Variants in DNAH9 observed in about 807,000 individuals in gnomAD.
DNAH9 encodes DNAH9 variant protein.
Under a neutral mutation model 471.6 loss-of-function variants are expected in DNAH9, and 345 were observed. The ratio of observed to expected loss-of-function variants is 0.73; its 90% confidence interval spans 0.67 to 0.80. The LOEUF (loss-of-function observed/expected upper bound fraction) is 0.80. Among genes scored for constraint, DNAH9 ranks in the 30% least tolerant of loss-of-function variants. DNAH9 has a pLI of 0.00. For synonymous variants in DNAH9, 2,093 were observed against 2,123.6 expected, an observed-to-expected ratio of 0.99 and a Z score of 0.40; for missense variants, 5,407 against 5,609.2, an observed-to-expected ratio of 0.96 and a Z score of 1.15.
At chr17:11,608,695 T>C (rs1287843697) in intron 2 of DNAH9, among the ~76,000 whole-genome samples, 1 of 152,212 alleles carries the variant, frequency 6.6e-6, no homozygotes, top group South Asian at 2.1e-4. Flanking sequence ...CTCTTCCCAG[T>C]GTTTACTCAG....
At position 11,937,310 on chromosome 17, in the gene DNAH9, C is replaced by T. The variant is rs202164346; in HGVS notation, c.12490-42C>T. 8 of 1,565,514 alleles carry T rather than the reference C, an allele frequency of 5.1e-6. No homozygotes were observed. In the East Asian group the frequency reaches 6.8e-5, roughly 13 times the overall value. On this transcript the variant is annotated intron_variant, in intron 65 of 68. Transcript: ENST00000262442. This position sits in a 1 kb window ranked among gnomAD's most constrained non-coding sequence, Gnocchi z 4.1. ...AAGCCGGTGTGGGAGATGGGAGGTA[C>T]GTCCTGGTTTCTTTTTAAGTGAGCT...
intron 10 of DNAH9, among the ~76,000 whole-genome samples, chr17:11,644,118 C>T (rs540857793): frequency 6.6e-6 from 1 of 152,176 alleles, no homozygotes; most frequent in East Asian, 1.9e-4. Flanking sequence ...TCACCACAGC[C>T]ATGGGAGTAA....
rs775618994 is a variant in DNAH9, at chr17:11,869,156, A to G, written c.9956A>G (p.Lys3319Arg). The G allele has an allele frequency of 3.7e-6, 6 of 1,613,672 alleles. No homozygotes were observed. In the South Asian group the frequency reaches 6.6e-5, roughly 18 times the overall value. The part of the protein sequence containing the change: ...KIAHLNENLA[K>R]LTARFEKATA... ...CAGCACCTTAATGAAAACCTGGCAA[A>G]GCTCACAGCCAGGTTTGAGAAAGCA... Residue 3319 changes from lysine (K) to arginine (R), a missense_variant, in exon 51 of 69, where the codon AAG (lysine) becomes AGG (arginine). Lys to Arg is a conservative substitution (Grantham distance 26). Transcript: ENST00000262442.
At chr17:11,905,471 C>T (rs1432420245) in intron 60 of DNAH9, among the ~76,000 whole-genome samples, 190 bp from the exon 61 acceptor site, 3 of 152,094 alleles carry the variant, frequency 2.0e-5, no homozygotes, top group African/African-American at 4.8e-5. Flanking sequence ...GTGAGCAGCT[C>T]GGCAACTAGC....
intron 61 of DNAH9, among the ~76,000 whole-genome samples, chr17:11,907,397 G>GA (rs1159152262): frequency 6.6e-6 from 1 of 151,602 alleles, no homozygotes; most frequent in Non-Finnish European, 1.5e-5. Context: ...TTGAACCCAG[G>GA]AGTCAGAGGT....
rs1258676709 is a variant in DNAH9, at chr17:11,905,750, C to A, written c.11690C>A (p.Thr3897Asn). 2 of 1,614,194 alleles carry A rather than the reference C, an allele frequency of 1.2e-6. No homozygotes were observed. The highest frequency in any genetic ancestry group is 2.2e-5 in the South Asian group (2 of 91,078). ...TCATTTGAAGAATCGGGACCAGCCA[C>A]TCCTATGTTTTTCATCCTGTCTCCA... ...ATSFEESGPATPMFFILSPGV... is the reference protein window; with the variant it reads ...ATSFEESGPANPMFFILSPGV... The change falls in exon 61 of 69, where the codon ACT (threonine) becomes AAT (asparagine). Residue 3897 changes from threonine (T) to asparagine (N), a missense_variant. Physicochemically the swap from Thr to Asn is moderately conservative, Grantham distance 65. Coordinates refer to ENST00000262442, the MANE Select transcript of DNAH9 (RefSeq NM_001372.4).
At chr17:11,955,129 C>T (rs1975573742) in intron 67 of DNAH9, among the ~76,000 whole-genome samples, 1 of 152,138 alleles carries the variant, frequency 6.6e-6, no homozygotes, top group Admixed American at 6.5e-5. Context: ...GTAAATCCTA[C>T]AGCAGCATTC....
intron 35 of DNAH9, among the ~76,000 whole-genome samples, chr17:11,759,545 C>T (rs11868970): frequency 0.55 from 64,122 of 117,316 alleles, 16,261 homozygotes; most frequent in Middle Eastern, 0.64. Flanking sequence ...TTTTTTGAGT[C>T]GTTGTCTCGC....
At chr17:11,697,543 T>C (rs1046054405) in intron 22 of DNAH9, among the ~76,000 whole-genome samples, 2 of 152,222 alleles carry the variant, frequency 1.3e-5, no homozygotes, top group African/African-American at 4.8e-5. Flanking sequence ...TGAGATTTTG[T>C]CCTATCTGAA....
intron 66 of DNAH9, among the ~76,000 whole-genome samples, chr17:11,938,303 A>G (rs1351683515): frequency 6.6e-6 from 1 of 152,046 alleles, no homozygotes; most frequent in East Asian, 1.9e-4. Flanking sequence ...ACTAAAAAAT[A>G]CAAAAATTAG....
Position 11,629,496 on chromosome 17 carries a change from A to G in DNAH9, c.1430A>G (p.Gln477Arg). 6.2e-7 allele frequency: 1 copy of G among 1,614,186 alleles called. No individual in the cohort carries two copies. Among genetic ancestry groups the G allele is most frequent in the Non-Finnish European group, 8.5e-7 (1 of 1,180,016 alleles). Residue 477 changes from glutamine (Q) to arginine (R), a missense_variant, in exon 7 of 69, where the codon CAG (glutamine) becomes CGG (arginine). By Grantham distance (43) the Gln-to-Arg change is conservative (BLOSUM62 1). Transcript: ENST00000262442. ...FSGVRGNALS[Q>R]QVQQMHEEFQ... ...GGCGTCAGAGGGAATGCTCTGAGTC[A>G]GCAGGTCCAGCAAATGCATGAAGAA...
At chr17:11,612,424 C>T (rs988217866) in intron 4 of DNAH9, 3 of 161,908 alleles carry the variant, frequency 1.9e-5, no homozygotes, top group Non-Finnish European at 4.1e-5. Context: ...AAAGTTCTTC[C>T]ATCCGATCTG....
At chr17:11,618,500 C>A (rs570103417) in intron 5 of DNAH9, among the ~76,000 whole-genome samples, 2 of 151,296 alleles carry the variant, frequency 1.3e-5, no homozygotes, top group Non-Finnish European at 2.9e-5. Context: ...GCAGGAGAAT[C>A]GCTTGAACCC....
At chr17:11,744,018 C>T (rs576541220) in intron 30 of DNAH9, among the ~76,000 whole-genome samples, 10 of 152,110 alleles carry the variant, frequency 6.6e-5, no homozygotes, top group Middle Eastern at 3.4e-3. Context: ...TCAGTAGAGA[C>T]GAGGTTTCAC....
rs1183420312 is a variant in DNAH9 at position 11,769,332 on chromosome 17, A to G, written c.7552+3A>G. 1 of 1,607,498 alleles carries G rather than the reference A, an allele frequency of 6.2e-7. No individual in the cohort carries two copies. The highest frequency in any genetic ancestry group is 8.5e-7 in the Non-Finnish European group (1 of 1,177,198). On this transcript the variant is annotated splice_donor_region_variant and intron_variant, in intron 38 of 68. Coordinates refer to ENST00000262442, the MANE Select transcript of DNAH9 (RefSeq NM_001372.4). ...CACCACGTCAGCAATGCTGCAGGGT[A>G]AGCAGCCCAGGGCACCTGGGGTGGG... is the stretch of plus-strand genomic sequence containing the variant.
chr17:11,719,760 T>G (rs2075022955), intron 27 of DNAH9, among the ~76,000 whole-genome samples: 1 of 152,200 alleles, frequency 6.6e-6, no homozygotes, highest in Non-Finnish European at 1.5e-5. Context: ...GATGGCTGAC[T>G]TCATCTTTTT....
Position 11,830,098 on chromosome 17 carries a change from C to T in DNAH9, c.9247-4540C>T, listed in dbSNP as rs777846827. Among the ~76,000 whole-genome samples the T allele has an allele frequency of 5.9e-5, 9 of 152,314 alleles. No individual in the cohort carries two copies. The South Asian group carries it at 1.7e-3, about 28-fold the overall frequency. On this transcript the variant is annotated intron_variant, in intron 48 of 68. Transcript: ENST00000262442. ...CATCCTGGTGAACTCCTCCAGTTCT[C>T]ACTGGCTCTGGTGGCCAGTGCTGGT...
At chr17:11,825,726 G>A (rs1397945809) in intron 48 of DNAH9, among the ~76,000 whole-genome samples, 5 of 152,212 alleles carry the variant, frequency 3.3e-5, no homozygotes, top group African/African-American at 1.2e-4. Flanking sequence ...TGATAGTATG[G>A]AAGCTTTATG....
Position 11,608,206 on chromosome 17 carries a change from C to A in DNAH9, c.495C>A (p.His165Gln), listed in dbSNP as rs376172635. The change falls in exon 2 of 69, where the codon CAC becomes CAA. Residue 165 changes from histidine to glutamine, a missense_variant. This residue lies in a region of DNAH9 where 767 missense variants were observed against 692.5 expected (regional missense o/e 1.11). Transcript: ENST00000262442. ...PHMICEDVRR[H>Q]AHSLQCDLSV... ...TGATATGTGAGGATGTCAGGCGGCACGCCCACAGCCTCCAATGTGACCTCT... is the reference window on the plus strand; with the variant it reads ...TGATATGTGAGGATGTCAGGCGGCAAGCCCACAGCCTCCAATGTGACCTCT... The A allele has an allele frequency of 3.7e-6, 6 of 1,613,780 alleles. No homozygotes were observed. The highest frequency in any genetic ancestry group is 5.1e-6 in the Non-Finnish European group (6 of 1,179,810).
Sources: allele counts gnomAD v4.1 joint callset (sites outside exome capture counted in the v4.1 genomes callset), GRCh38; gene constraint gnomAD v4.1.1; regional missense constraint gnomAD v4.1.1; non-coding constraint Gnocchi (gnomAD v3.1); transcripts MANE v1.5; gene names NCBI Gene and HGNC (gene_info 2026-07-23, HGNC 2026-07-21).